PCDHA3: variants seen among roughly 807,000 people sequenced by gnomAD.
PCDHA3 encodes the protein protocadherin alpha-3.
Under a neutral mutation model 62.2 loss-of-function variants are expected in PCDHA3, and 41 were observed. That is an observed-to-expected ratio of 0.66 (90% CI 0.51 to 0.86). The LOEUF is 0.86. Among genes scored for constraint, PCDHA3 ranks in the 40% least tolerant of loss-of-function variants. The pLI is 0.00. For missense variants in PCDHA3, 1,304 were observed against 1,241.2 expected, an observed-to-expected ratio of 1.05 and a Z score of -0.76; for synonymous variants, 640 against 555.4, an observed-to-expected ratio of 1.15 and a Z score of -2.14.
At chr5:140,827,461 C>T (rs1769301582) in intron 1 of PCDHA3, among the ~76,000 whole-genome samples, 1 of 152,194 alleles carries the variant, frequency 6.6e-6, no homozygotes, top group Admixed American at 6.5e-5. Context: ...TTAAGAGCAT[C>T]TGATATTTAT....
intron 1 of PCDHA3, chr5:140,871,323 CT>C (rs2052977645): frequency 6.2e-7 from 1 of 1,614,102 alleles, no homozygotes; most frequent in Non-Finnish European, 8.5e-7. Context: ...CGCTGGTGTG[CT>C]CCCGCGCGGT....
chr5:140,821,873 C>A (rs144627570), intron 1 of PCDHA3: 2 of 1,614,092 alleles, frequency 1.2e-6, no homozygotes, highest in Non-Finnish European at 1.7e-6. Flanking sequence ...CTCCACTACT[C>A]GATCCCGGAG....
rs1464673358 is a variant in PCDHA3 at position 140,894,228 on chromosome 5, A to T, written c.2395-84721A>T. 2.6e-5 allele frequency among the ~76,000 whole-genome samples: 4 copies of T among 152,088 alleles called. No homozygotes were observed. In the South Asian group the frequency reaches 8.3e-4, roughly 31 times the overall value. ...TTATATTCTCATTTTAAAGATGTTG[A>T]ATGACAATGTAATTTTCTTTTCTTT... is the stretch of plus-strand genomic sequence containing the variant. On this transcript the variant is annotated intron_variant, in intron 1 of 3. Transcript: ENST00000522353.
At chr5:140,853,249 A>G in intron 1 of PCDHA3, 1 of 975,702 alleles carries the variant, frequency 1.0e-6, no homozygotes, top group Non-Finnish European at 1.2e-6. Flanking sequence ...ATTAATCTCT[A>G]TTCTCTCTCA....
intron 3 of PCDHA3, among the ~76,000 whole-genome samples, chr5:141,008,352 A>T (rs549122044): frequency 6.6e-6 from 1 of 152,204 alleles, no homozygotes; most frequent in Non-Finnish European, 1.5e-5. Flanking sequence ...TTCACGTGTC[A>T]ACCAAAGGAG....
chr5:141,003,708 A>T (rs1251126675), intron 3 of PCDHA3, among the ~76,000 whole-genome samples: 1 of 152,218 alleles, frequency 6.6e-6, no homozygotes, highest in Non-Finnish European at 1.5e-5. Flanking sequence ...CCAATTGTGA[A>T]GATATCGGCT....
intron 3 of PCDHA3, among the ~76,000 whole-genome samples, chr5:140,985,689 C>A (rs1237077456): frequency 6.6e-6 from 1 of 151,906 alleles, no homozygotes; most frequent in African/African-American, 2.4e-5. Flanking sequence ...TTACGCTAAT[C>A]CTCGTTCATA....
chr5:140,896,615 G>A (rs1293256212), intron 1 of PCDHA3, among the ~76,000 whole-genome samples: 4 of 151,782 alleles, frequency 2.6e-5, no homozygotes, highest in African/African-American at 9.7e-5. Context: ...GGTCTTAAGT[G>A]ATCCACCTGC....
chr5:140,937,953 T>G (rs955302275), intron 1 of PCDHA3, among the ~76,000 whole-genome samples: 5 of 152,174 alleles, frequency 3.3e-5, no homozygotes, highest in South Asian at 2.1e-4. Flanking sequence ...TGGCTTTTGT[T>G]GAAAGTATAT....
chr5:140,972,837 T>C (rs1328315293), intron 1 of PCDHA3, among the ~76,000 whole-genome samples: 1 of 152,004 alleles, frequency 6.6e-6, no homozygotes, highest in Non-Finnish European at 1.5e-5. Context: ...CTAATTTTTG[T>C]ATTTTTAGTA....
chr5:140,808,716 T>A, intron 1 of PCDHA3: 1 of 1,611,966 alleles, frequency 6.2e-7, no homozygotes, highest in East Asian at 2.2e-5. Flanking sequence ...TACGTTTCGG[T>A]GCATGCGGAG....
chr5:140,913,807 C>A (rs2076472600), intron 1 of PCDHA3, among the ~76,000 whole-genome samples: 1 of 152,068 alleles, frequency 6.6e-6, no homozygotes, highest in African/African-American at 2.4e-5. Flanking sequence ...ATCAAATTTT[C>A]AATTTCCTTT....
intron 1 of PCDHA3, chr5:140,927,619 C>G: frequency 6.2e-7 from 1 of 1,614,170 alleles, no homozygotes; most frequent in Non-Finnish European, 8.5e-7. Flanking sequence ...CACCAAGGTT[C>G]CAGAGACTGC....
At chr5:140,835,709 C>T (rs2150242768) in intron 1 of PCDHA3, 29 of 1,613,350 alleles carry the variant, frequency 1.8e-5, no homozygotes, top group Middle Eastern at 3.3e-4. Context: ...CTAGCGTGTC[C>T]GTGGAGGTGG....
chr5:140,850,423 C>T (rs782005281), intron 1 of PCDHA3: 4 of 1,597,882 alleles, frequency 2.5e-6, no homozygotes, highest in South Asian at 1.1e-5. Context: ...ACGGACGCAC[C>T]GCGCCAGCGC....
intron 1 of PCDHA3, chr5:140,863,096 G>A (rs1554157719): frequency 5.2e-6 from 3 of 578,170 alleles, no homozygotes; most frequent in South Asian, 1.4e-5. Flanking sequence ...AGCACGACGA[G>A]TACCCTGGAC....
intron 1 of PCDHA3, among the ~76,000 whole-genome samples, chr5:140,806,651 T>C (rs979238078): frequency 6.6e-6 from 1 of 152,026 alleles, no homozygotes; most frequent in Non-Finnish European, 1.5e-5. Context: ...AAGAGGGTGT[T>C]ATCATTAATA....
At chr5:140,966,678 C>G (rs2096036369) in intron 1 of PCDHA3, 8 of 1,313,236 alleles carry the variant, frequency 6.1e-6, no homozygotes, top group Non-Finnish European at 2.9e-6. Context: ...CAGGGTGGCA[C>G]GAGCGGAGGC....
intron 3 of PCDHA3, among the ~76,000 whole-genome samples, chr5:140,982,904 T>G (rs1353983952): frequency 1.3e-5 from 2 of 151,900 alleles, no homozygotes; most frequent in African/African-American, 4.8e-5. Context: ...GGTGGCCTTA[T>G]GCACAGAGAT....
Sources: gnomAD v4.1 joint callset for allele counts (sites outside exome capture counted in the v4.1 genomes callset) on GRCh38, gnomAD v4.1.1 for gene constraint, MANE v1.5 for transcripts, NCBI Gene and HGNC (gene_info 2026-07-23, HGNC 2026-07-21) for gene names.